PTPRK: variants seen among roughly 807,000 people sequenced by gnomAD.
PTPRK encodes the protein receptor-type tyrosine-protein phosphatase kappa.
In PTPRK, 75 loss-of-function variants were observed where a neutral mutation model predicts 178.0. That is an observed-to-expected ratio of 0.42 (90% confidence interval 0.35 to 0.51). PTPRK has a LOEUF of 0.51. PTPRK is among the 20% of genes least tolerant of loss of function. The probability of loss-of-function intolerance (pLI) is 0.02; values close to 1 mark genes in which losing one functional copy is unlikely to be tolerated. For synonymous variants in PTPRK, 637 were observed against 620.6 expected (o/e 1.03, Z -0.39); for missense variants, 1,441 against 1,797.8 (o/e 0.80, Z 3.59).
At chr6:128,341,672 C>T (rs1410933094) in intron 2 of PTPRK, among the ~76,000 whole-genome samples, 2 of 152,234 alleles carry the variant, frequency 1.3e-5, no homozygotes, top group South Asian at 4.1e-4. Flanking sequence ...CTAGGAAAGG[C>T]TTTCCTGCCA....
chr6:128,364,971 T>C (rs1835286752), intron 2 of PTPRK, among the ~76,000 whole-genome samples: 1 of 152,052 alleles, frequency 6.6e-6, no homozygotes, highest in Non-Finnish European at 1.5e-5. Flanking sequence ...CTTTTCCCAG[T>C]TATGGTATGA....
At chr6:128,094,483 T>G (rs1787571796) in intron 7 of PTPRK, among the ~76,000 whole-genome samples, 1 of 152,148 alleles carries the variant, frequency 6.6e-6, no homozygotes, top group Admixed American at 6.5e-5. Context: ...ATAGCTAATG[T>G]GTTAATACCA....
intron 3 of PTPRK, among the ~76,000 whole-genome samples, chr6:128,313,311 C>T (rs761677437): frequency 1.4e-4 from 21 of 151,992 alleles, no homozygotes; most frequent in Non-Finnish European, 2.5e-4. Context: ...TATAAAGCAC[C>T]TAATTGTTAT....
At chr6:128,484,140 ACAAACAAAAATCCCCCATTTTTTTCT>A (rs1444160579) in intron 1 of PTPRK, among the ~76,000 whole-genome samples, 3 of 152,132 alleles carry the variant, frequency 2.0e-5, no homozygotes, top group Non-Finnish European at 4.4e-5. Context: ...ATCAAATAAA[ACAAACAAAAATCCCCCATTTTTTTCT>A]CATTTGGTAT....
intron 13 of PTPRK, among the ~76,000 whole-genome samples, chr6:128,042,136 G>C (rs983233182): frequency 2.6e-5 from 4 of 151,910 alleles, no homozygotes; most frequent in African/African-American, 9.7e-5. Flanking sequence ...ACAGTCTGTT[G>C]AAGGCAACCT....
chr6:128,038,524 T>C (rs546365807), intron 13 of PTPRK, among the ~76,000 whole-genome samples: 1 of 152,120 alleles, frequency 6.6e-6, no homozygotes, highest in Non-Finnish European at 1.5e-5. Flanking sequence ...GAGATACTGC[T>C]CCACTCAATG....
At chr6:127,978,325 G>T (rs955615090) in intron 25 of PTPRK, among the ~76,000 whole-genome samples, 4 of 152,168 alleles carry the variant, frequency 2.6e-5, no homozygotes, top group African/African-American at 9.7e-5. Flanking sequence ...GAATCATGCA[G>T]GCAGTTTCCC....
At chr6:128,446,098 G>T (rs1846987619) in intron 1 of PTPRK, among the ~76,000 whole-genome samples, 1 of 152,072 alleles carries the variant, frequency 6.6e-6, no homozygotes, top group South Asian at 2.1e-4. Flanking sequence ...ACTCACCTAT[G>T]ACTTTGCAAC....
chr6:128,182,584 G>A (rs1429436727), intron 7 of PTPRK, among the ~76,000 whole-genome samples: 1 of 152,108 alleles, frequency 6.6e-6, no homozygotes, highest in Non-Finnish European at 1.5e-5. Context: ...AGCTATGAGT[G>A]TAAGTTAACT....
At chr6:128,377,252 G>A (rs1837234555) in intron 2 of PTPRK, among the ~76,000 whole-genome samples, 1 of 152,178 alleles carries the variant, frequency 6.6e-6, no homozygotes, top group Admixed American at 6.5e-5. Context: ...GTTCCATGTA[G>A]CTGGGGAGGC....
intron 13 of PTPRK, among the ~76,000 whole-genome samples, chr6:128,044,977 T>A (rs1777812880): frequency 6.6e-6 from 1 of 151,994 alleles, no homozygotes; most frequent in African/African-American, 2.4e-5. Context: ...AATTTTTTGT[T>A]GAATAAATGA....
rs752419969 is a variant in PTPRK at position 127,982,908 on chromosome 6, C to G, written c.3460G>C (p.Glu1154Gln). 7 of 1,612,314 alleles carry G rather than the reference C, an allele frequency of 4.3e-6. No homozygotes were observed. The highest frequency in any genetic ancestry group is 5.9e-6 in the Non-Finnish European group (7 of 1,178,606). The change falls in exon 24 of 30, where the codon GAA becomes CAA. Residue 1154 changes from glutamate to glutamine, a missense_variant. Physicochemically the swap from Glu to Gln is conservative, Grantham distance 29. This residue lies in a region of PTPRK where 335 missense variants were observed against 512.4 expected (regional missense o/e 0.65). Coordinates refer to ENST00000368226, the MANE Select transcript of PTPRK (RefSeq NM_002844.4). ...ATATCAAAATATGCAGCTTTAAATT[C>G]ACAGACAGGTATGGCAGTTTCTCCA... ...LCGETAIPVC[E>Q]FKAAYFDMIR...
At chr6:128,093,952 A>G (rs1787480514) in intron 7 of PTPRK, among the ~76,000 whole-genome samples, 1 of 152,210 alleles carries the variant, frequency 6.6e-6, no homozygotes, top group African/African-American at 2.4e-5. Context: ...AGAGGGAGAA[A>G]TAACTTCCAC....
chr6:128,338,570 A>G (rs1831244790), intron 2 of PTPRK, among the ~76,000 whole-genome samples: 1 of 152,154 alleles, frequency 6.6e-6, no homozygotes, highest in Non-Finnish European at 1.5e-5. Flanking sequence ...ATAATAACTC[A>G]AGTATATCCA....
chr6:128,105,125 T>C (rs952386528), intron 7 of PTPRK, among the ~76,000 whole-genome samples: 13 of 151,758 alleles, frequency 8.6e-5, no homozygotes, highest in African/African-American at 3.2e-4. Context: ...TTACCTCACT[T>C]ATTTCTTTTT....
chr6:128,036,921 A>G (rs1776327158), intron 13 of PTPRK, among the ~76,000 whole-genome samples: 1 of 152,030 alleles, frequency 6.6e-6, no homozygotes, highest in Non-Finnish European at 1.5e-5. Context: ...TAGTACAGAT[A>G]GGGTTTCACC....
In PTPRK at chr6:128,321,310, T is replaced by C. The variant is rs76341869; in HGVS notation, c.495+729A>G. The C allele has an allele frequency of 9.6e-3, 1,484 of 154,748 alleles. 25 individuals are homozygous for C. The highest frequency in any genetic ancestry group is 0.034 in the African/African-American group (1,394 of 41,570). The allele number at this position is 154,748 out of a possible 1,614,324, so 9.6% of individuals were successfully genotyped here. ...AACAGCATCCAGGGACGGAACCTCA[T>C]AGTGAGGGTTACTGAACAAACTCTC... On this transcript the variant is annotated intron_variant, in intron 3 of 29. Coordinates refer to ENST00000368226, the MANE Select transcript of PTPRK (RefSeq NM_002844.4).
At chr6:128,233,921 T>C (rs1812758317) in intron 5 of PTPRK, among the ~76,000 whole-genome samples, 1 of 152,228 alleles carries the variant, frequency 6.6e-6, no homozygotes, top group African/African-American at 2.4e-5. Context: ...TGCCAAGCGC[T>C]GTAATGATGG....
intron 1 of PTPRK, among the ~76,000 whole-genome samples, chr6:128,466,182 G>C (rs1234799410): frequency 6.6e-6 from 1 of 152,138 alleles, no homozygotes; most frequent in Non-Finnish European, 1.5e-5. Context: ...AGCAACTACT[G>C]TCAGTTTACT....
Sources: gnomAD v4.1 joint callset for allele counts (sites outside exome capture counted in the v4.1 genomes callset) on GRCh38, gnomAD v4.1.1 for gene constraint, gnomAD v4.1.1 regional missense constraint, MANE v1.5 for transcripts, NCBI Gene and HGNC (gene_info 2026-07-23, HGNC 2026-07-21) for gene names.